PLXDC1: variants seen among roughly 807,000 people sequenced by gnomAD.
The protein encoded by PLXDC1 is plexin domain-containing protein 1.
PLXDC1 carries 39 observed loss-of-function variants against 61.3 expected under a neutral mutation model. The observed-to-expected ratio is 0.64, with a 90% CI of 0.49 to 0.83. The LOEUF (loss-of-function observed/expected upper bound fraction) is 0.83, where lower values mean the gene tolerates loss of function less well. Ranked by LOEUF, PLXDC1 falls within the 40% of genes least tolerant of loss-of-function variation. The pLI, the probability that PLXDC1 is intolerant of heterozygous loss-of-function variation, is 0.00. For synonymous variants in PLXDC1, 212 were observed against 254.5 expected (o/e 0.83, Z 1.59); for missense variants, 596 against 666.5 (o/e 0.89, Z 1.17).
intron 13 of PLXDC1, among the ~76,000 whole-genome samples, chr17:39,069,138 C>T (rs1909010884): frequency 6.6e-6 from 1 of 152,108 alleles, no homozygotes; most frequent in South Asian, 2.1e-4. Flanking sequence ...ATGGGGTCTC[C>T]TCTATTGCCC....
At chr17:39,129,741 G>GAAAGAAAGAAA (rs1168985590) in intron 2 of PLXDC1, among the ~76,000 whole-genome samples, 109 of 39,512 alleles carry the variant, frequency 2.8e-3, no homozygotes, top group African/African-American at 0.012. Flanking sequence ...AAGAAAGAAA[G>GAAAGAAAGAAA]GAAAGAAAAG....
At chr17:39,128,115 G>GTATATATA (rs1274872433) in intron 2 of PLXDC1, among the ~76,000 whole-genome samples, 5 of 34,612 alleles carry the variant, frequency 1.4e-4, no homozygotes, top group African/African-American at 3.4e-4. Flanking sequence ...ATATATATAT[G>GTATATATA]TATATATATA....
chr17:39,142,814 G>A (rs1180778805), intron 1 of PLXDC1, among the ~76,000 whole-genome samples: 1 of 152,120 alleles, frequency 6.6e-6, no homozygotes, highest in Admixed American at 6.6e-5. Flanking sequence ...GATTATAAGC[G>A]TGAGCCACTG....
rs1189067806 is a variant in PLXDC1, at chr17:39,065,259, G to C, written c.*2581C>G. The C allele has an allele frequency of 6.6e-6, 1 of 152,088 alleles. No individual in the cohort carries two copies. The highest frequency in any genetic ancestry group is 1.5e-5 in the Non-Finnish European group (1 of 68,034). The allele number at this position is 152,088 out of a possible 1,614,324, so 9.4% of individuals were successfully genotyped here. On this transcript the variant is annotated 3_prime_UTR_variant, in exon 14 of 14. Coordinates refer to ENST00000315392, the MANE Select transcript of PLXDC1 (RefSeq NM_020405.5). ...TTATGACAAAAAGTACTAGAGATGT[G>C]TCACCAAGAGAGGCCTATGGATTTC...
intron 2 of PLXDC1, among the ~76,000 whole-genome samples, chr17:39,129,667 AAG>A (rs1164758453): frequency 2.1e-5 from 2 of 93,422 alleles, no homozygotes; most frequent in Admixed American, 1.1e-4. Context: ...GAAAGAAAGA[AAG>A]AGAGAGAGAG....
intron 2 of PLXDC1, among the ~76,000 whole-genome samples, chr17:39,137,095 A>G (rs1261419690): frequency 6.6e-6 from 1 of 152,218 alleles, no homozygotes; most frequent in Non-Finnish European, 1.5e-5. Flanking sequence ...AGGTCATGTC[A>G]CTGCAATTTC....
chr17:39,123,092 C>T (rs183952193), intron 2 of PLXDC1, among the ~76,000 whole-genome samples: 2 of 152,310 alleles, frequency 1.3e-5, no homozygotes, highest in East Asian at 3.9e-4. Flanking sequence ...TGGAGTAAGA[C>T]AGACCCAAGT....
At chr17:39,140,382 T>C (rs2143942500) in intron 1 of PLXDC1, among the ~76,000 whole-genome samples, 1 of 152,310 alleles carries the variant, frequency 6.6e-6, no homozygotes, top group Admixed American at 6.5e-5. Flanking sequence ...CTCCGCTCCC[T>C]GCAAGCTCCG....
At chr17:39,084,197 A>C (rs1346395317) in intron 8 of PLXDC1, among the ~76,000 whole-genome samples, 3 of 152,204 alleles carry the variant, frequency 2.0e-5, no homozygotes, top group Non-Finnish European at 2.9e-5. Flanking sequence ...GGGATTTTTT[A>C]AAGGTCAGAG....
intron 2 of PLXDC1, chr17:39,131,793 G>A (rs1911572882): frequency 6.5e-6 from 1 of 152,740 alleles, no homozygotes; most frequent in South Asian, 2.1e-4. Flanking sequence ...CCAGGTTCTT[G>A]GAGGAGCACT....
rs1474961343 is a variant in PLXDC1 at position 39,151,261 on chromosome 17, T to A, written c.76+101A>T. On this transcript the variant is annotated intron_variant, in intron 1 of 13. Coordinates refer to ENST00000315392, the MANE Select transcript of PLXDC1 (RefSeq NM_020405.5). This position sits in a 1 kb window ranked among gnomAD's most constrained non-coding sequence, Gnocchi z 5.2. ...TGGCCTCCTGCGGACAATGCCCCCC[T>A]CGCGGACATCGCCAGGCCGTCCACA... is the stretch of plus-strand genomic sequence containing the variant. 51 of 894,564 alleles carry A rather than the reference T, an allele frequency of 5.7e-5. No individual in the cohort carries two copies. Among genetic ancestry groups the A allele is most frequent in the Non-Finnish European group, 6.8e-5 (46 of 678,218 alleles). 55.4% of individuals were successfully genotyped at this position (894,564 alleles called of 1,614,324 possible).
Position 39,109,465 on chromosome 17 carries a change from C to T in PLXDC1, c.256-74G>A. The T allele has an allele frequency of 8.6e-6, 13 of 1,512,298 alleles. No individual in the cohort carries two copies. In the South Asian group the frequency reaches 1.2e-4, roughly 14 times the overall value. The allele number at this position is 1,512,298 out of a possible 1,614,324, so 93.7% of individuals were successfully genotyped here. ...GCCAGGACTGACTCTCCGCCCTTCC[C>T]CACTCAGATTTCTGGGTACAGGAAG... On this transcript the variant is annotated intron_variant, in intron 2 of 13. Transcript: ENST00000315392.
At chr17:39,146,457 A>G (rs1041614960) in intron 1 of PLXDC1, among the ~76,000 whole-genome samples, 1 of 151,964 alleles carries the variant, frequency 6.6e-6, no homozygotes, top group Non-Finnish European at 1.5e-5. Flanking sequence ...TGGTGGGATC[A>G]CTTGAGTCCA....
chr17:39,081,024 A>C (rs1308912148), intron 9 of PLXDC1: 1 of 152,870 alleles, frequency 6.5e-6, no homozygotes, highest in East Asian at 1.9e-4. Flanking sequence ...CCAGGATCCC[A>C]GGGCTCATCT....
intron 2 of PLXDC1, among the ~76,000 whole-genome samples, chr17:39,113,997 A>G: frequency 6.6e-6 from 1 of 152,064 alleles, no homozygotes; most frequent in East Asian, 1.9e-4. Flanking sequence ...TCTGAAAGAG[A>G]TCAAATTTGA....
chr17:39,073,933 C>T (rs540074959), intron 11 of PLXDC1, among the ~76,000 whole-genome samples: 17 of 152,292 alleles, frequency 1.1e-4, no homozygotes, highest in African/African-American at 1.9e-4. Flanking sequence ...TGCAAGTGAA[C>T]GGCTCTTAAA....
At chr17:39,107,616 G>T (rs767772270) in intron 5 of PLXDC1, 91 bp from the exon 6 acceptor site, 73 of 951,268 alleles carry the variant, frequency 7.7e-5, no homozygotes, top group Admixed American at 2.6e-4. Context: ...GCGGCCACAG[G>T]TTGGGTCCCT....
chr17:39,085,836 A>G (rs978426065), intron 8 of PLXDC1, among the ~76,000 whole-genome samples: 1 of 152,054 alleles, frequency 6.6e-6, no homozygotes, highest in Non-Finnish European at 1.5e-5. Context: ...CCTTGATAGC[A>G]TTACCCCTCC....
Position 39,068,114 on chromosome 17 carries a change from T to G in PLXDC1, c.1384-155A>C, listed in dbSNP as rs373912476. On this transcript the variant is annotated intron_variant, in intron 13 of 13. Transcript: ENST00000315392. ...CCACACAACTGACCTTCAGGGACCC[T>G]CTCCCTAAAATGTTCCGTGCTGTGA... is the stretch of plus-strand genomic sequence containing the variant. 1.7e-4 allele frequency among the ~76,000 whole-genome samples: 26 copies of G among 152,208 alleles called. No homozygotes were observed. In the South Asian group the frequency reaches 5.2e-3, roughly 30 times the overall value.
Sources: allele counts gnomAD v4.1 joint callset (sites outside exome capture counted in the v4.1 genomes callset), GRCh38; gene constraint gnomAD v4.1.1; non-coding constraint Gnocchi (gnomAD v3.1); transcripts MANE v1.5; gene names NCBI Gene and HGNC (gene_info 2026-07-23, HGNC 2026-07-21).